The following WDFY2 variants were observed in gnomAD, a reference collection of about 807,000 sequenced individuals.
WDFY2 encodes the protein WD repeat and FYVE domain containing 2, also known as WD repeat and FYVE domain-containing protein 2.
WDFY2 carries 36 observed loss-of-function variants against 56.4 expected under a neutral mutation model. The ratio of observed to expected loss-of-function variants is 0.64; its 90% CI spans 0.49 to 0.84. The LOEUF is 0.84. Ranked by LOEUF, WDFY2 falls within the 40% of genes least tolerant of loss-of-function variation. WDFY2 has a pLI of 0.00. For missense variants in WDFY2, 444 were observed against 512.2 expected (o/e 0.87, Z 1.29); for synonymous variants, 176 against 183.7 (o/e 0.96, Z 0.34).
chr13:51,609,114 T>TA (rs531046883), intron 1 of WDFY2, among the ~76,000 whole-genome samples: 1 of 152,144 alleles, frequency 6.6e-6, no homozygotes, highest in Non-Finnish European at 1.5e-5. Flanking sequence ...ATTTTTAACT[T>TA]AAAAAAATTG....
intron 3 of WDFY2, among the ~76,000 whole-genome samples, chr13:51,694,802 G>A (rs1393741344): frequency 2.0e-5 from 3 of 152,060 alleles, no homozygotes; most frequent in Non-Finnish European, 2.9e-5. Context: ...CATTTTCCCC[G>A]TCACTTTCAG....
intron 1 of WDFY2, among the ~76,000 whole-genome samples, chr13:51,623,826 G>A (rs569140311): frequency 1.3e-5 from 2 of 151,166 alleles, no homozygotes; most frequent in Non-Finnish European, 2.9e-5. Flanking sequence ...TCCACAACAG[G>A]CAGTTTTTAC....
At chr13:51,717,295 TTTTG>T (rs1566174717) in intron 4 of WDFY2, among the ~76,000 whole-genome samples, 1 of 152,174 alleles carries the variant, frequency 6.6e-6, no homozygotes, top group Non-Finnish European at 1.5e-5. Flanking sequence ...TTGGGGTTTT[TTTTG>T]TTTGTTTTTG....
rs182354642 is a variant in WDFY2 at position 51,713,161 on chromosome 13, A to G, written c.335-6037A>G. On this transcript the variant is annotated intron_variant, in intron 4 of 11. Transcript: ENST00000298125. ...TTACCTCTTGTCAAAACTAGACCAA[A>G]ATGATACAAGTAAAGAAAACTATAG... Among the ~76,000 whole-genome samples, 3 of 152,326 alleles carry G rather than the reference A, an allele frequency of 2.0e-5. No individual in the cohort carries two copies. The East Asian group carries it at 5.8e-4, about 29-fold the overall frequency.
chr13:51,736,045 G>C (rs780654137), intron 6 of WDFY2, among the ~76,000 whole-genome samples: 27 of 152,124 alleles, frequency 1.8e-4, no homozygotes, highest in Non-Finnish European at 2.6e-4. Context: ...GACCTTAATT[G>C]ATCTCATGAT....
At chr13:51,659,075 C>A (rs952330803) in intron 1 of WDFY2, among the ~76,000 whole-genome samples, 3 of 152,028 alleles carry the variant, frequency 2.0e-5, no homozygotes, top group Non-Finnish European at 4.4e-5. Flanking sequence ...TATGGGCGTC[C>A]ACCACTGCAC....
At chr13:51,652,765 G>C (rs967497067) in intron 1 of WDFY2, among the ~76,000 whole-genome samples, 61 of 152,316 alleles carry the variant, frequency 4.0e-4, no homozygotes, top group African/African-American at 1.0e-3. Context: ...AGTTTGTGCC[G>C]AGAGATCCGC....
intron 2 of WDFY2, among the ~76,000 whole-genome samples, chr13:51,674,610 A>C (rs570867686): frequency 1.3e-5 from 2 of 152,224 alleles, no homozygotes; most frequent in African/African-American, 2.4e-5. Context: ...TGTCATTTTC[A>C]ATCAGCAGAC....
intron 1 of WDFY2, among the ~76,000 whole-genome samples, chr13:51,634,680 G>T (rs1367910103): frequency 6.6e-6 from 1 of 151,282 alleles, no homozygotes; most frequent in Admixed American, 6.6e-5. Flanking sequence ...GTGTGGTGGT[G>T]CATGTCTATA....
rs536617589 is a variant in WDFY2 at position 51,665,719 on chromosome 13, G to C, written c.205+5056G>C. ...TAGATCGATCAACTTGGCTGCCAAA[G>C]ATGTTGTGAATAGGAGGCTTGAGAG... is the stretch of plus-strand genomic sequence containing the variant. On this transcript the variant is annotated intron_variant, in intron 2 of 11. Coordinates refer to ENST00000298125, the MANE Select transcript of WDFY2 (RefSeq NM_052950.4). Among the ~76,000 whole-genome samples, 50 of 152,252 alleles carry C rather than the reference G, an allele frequency of 3.3e-4. No homozygotes were observed. In the South Asian group the frequency reaches 9.6e-3, roughly 29 times the overall value.
chr13:51,605,691 G>A (rs933442048), intron 1 of WDFY2, among the ~76,000 whole-genome samples: 40 of 152,300 alleles, frequency 2.6e-4, no homozygotes, highest in Non-Finnish European at 4.0e-4. Flanking sequence ...AGAGAAATAA[G>A]TTTAAGTAAA....
rs1419250574 is a variant in WDFY2 at position 51,764,676 on chromosome 13, T to TATA, written c.*4911_*4913dup. 6.6e-6 allele frequency: 1 copy of TATA among 152,210 alleles called. No homozygotes were observed. The highest frequency in any genetic ancestry group is 2.4e-5 in the African/African-American group (1 of 41,460). The allele number at this position is 152,210 out of a possible 1,614,324, so 9.4% of individuals were successfully genotyped here. On this transcript the variant is annotated 3_prime_UTR_variant, in exon 12 of 12. Transcript: ENST00000298125. ...AGCCAATGCTACTATTAGTTTATAT[T>TATA]ATAATAGTATCAGTTTCTTTTTCTT...
intron 1 of WDFY2, among the ~76,000 whole-genome samples, chr13:51,628,027 C>T (rs566418341): frequency 6.6e-6 from 1 of 152,298 alleles, no homozygotes; most frequent in South Asian, 2.1e-4. Context: ...TCGTTTTGGG[C>T]CCCAGACTCT....
At position 51,630,479 on chromosome 13, in the gene WDFY2, T is replaced by TA. The variant is rs150680047; in HGVS notation, c.138-30116dup. ...TTCCCTTTCTTTCTTTTTTTTTTTT[T>TA]ATGTTTGGGTCACCACAGTGCCCGC... On this transcript the variant is annotated intron_variant, in intron 1 of 11. Transcript: ENST00000298125. Among the ~76,000 whole-genome samples the TA allele has an allele frequency of 2.2e-3, 331 of 151,796 alleles. 2 individuals carry two copies. The highest frequency in any genetic ancestry group is 7.5e-3 in the African/African-American group (311 of 41,492).
At chr13:51,671,926 G>T (rs1037173718) in intron 2 of WDFY2, among the ~76,000 whole-genome samples, 5 of 151,854 alleles carry the variant, frequency 3.3e-5, no homozygotes, top group Non-Finnish European at 7.4e-5. Context: ...TAGGACTACA[G>T]GTGTGTACCG....
At chr13:51,593,339 A>G (rs1954086651) in intron 1 of WDFY2, among the ~76,000 whole-genome samples, 1 of 152,150 alleles carries the variant, frequency 6.6e-6, no homozygotes, top group South Asian at 2.1e-4. Flanking sequence ...GTTTATTTAC[A>G]TTATTTTCAG....
chr13:51,708,960 C>T (rs76664530), intron 4 of WDFY2, among the ~76,000 whole-genome samples: 7,751 of 152,150 alleles, frequency 0.051, 242 homozygotes, highest in Middle Eastern at 0.085. Context: ...CCATAACACT[C>T]GTAAATGTTT....
rs991721516 is a variant in WDFY2 at position 51,670,488 on chromosome 13, T to C, written c.206-4682T>C. 4.1e-4 allele frequency among the ~76,000 whole-genome samples: 38 copies of C among 92,108 alleles called. No individual in the cohort carries two copies. The East Asian group carries it at 5.2e-3, about 13-fold the overall frequency. 60.4% of individuals were successfully genotyped at this position (92,108 alleles called of 152,430 possible). ...GTACGTCTCACCTACTGTGCGCACA[T>C]GCACACACACACACACACACACACA... On this transcript the variant is annotated intron_variant, in intron 2 of 11. Coordinates refer to ENST00000298125, the MANE Select transcript of WDFY2 (RefSeq NM_052950.4).
chr13:51,607,790 A>G (rs149286338), intron 1 of WDFY2, among the ~76,000 whole-genome samples: 1 of 152,156 alleles, frequency 6.6e-6, no homozygotes, highest in Admixed American at 6.5e-5. Flanking sequence ...GCCCCCCAAC[A>G]TGTCTATGTC....
Sources: allele counts gnomAD v4.1 joint callset (sites outside exome capture counted in the v4.1 genomes callset), GRCh38; gene constraint gnomAD v4.1.1; transcripts MANE v1.5; gene names NCBI Gene and HGNC (gene_info 2026-07-23, HGNC 2026-07-21).